ANKMY2: variants seen among roughly 807,000 people sequenced by gnomAD.
The protein encoded by ANKMY2 is ankyrin repeat and MYND domain-containing protein 2.
In ANKMY2, 36 loss-of-function variants were observed where a neutral mutation model predicts 50.4. That is an observed-to-expected ratio of 0.71 (90% confidence interval 0.55 to 0.94). ANKMY2 has a LOEUF of 0.94. ANKMY2 is among the 40% of genes least tolerant of loss of function. The pLI, the probability that ANKMY2 is intolerant of heterozygous loss-of-function variation, is 0.00. For synonymous variants in ANKMY2, 187 were observed against 178.8 expected (o/e 1.05, Z -0.36); for missense variants, 565 against 524.0 (o/e 1.08, Z -0.76).
intron 8 of ANKMY2, among the ~76,000 whole-genome samples, chr7:16,603,334 A>T (rs1781101392): frequency 2.0e-5 from 3 of 152,224 alleles, no homozygotes; most frequent in Admixed American, 2.0e-4. Context: ...ATGGAGGCAT[A>T]GAGGAAGCAG....
intron 7 of ANKMY2, among the ~76,000 whole-genome samples, chr7:16,605,965 G>A (rs1009413402): frequency 2.6e-5 from 4 of 152,040 alleles, no homozygotes; most frequent in African/African-American, 9.6e-5. Context: ...TTACAGGTGT[G>A]AGCCACCACA....
In ANKMY2 at chr7:16,600,740, C is replaced by T. The variant is rs1781039869; in HGVS notation, c.*21G>A. 3.1e-6 allele frequency: 5 copies of T among 1,588,572 alleles called. No individual in the cohort carries two copies. Among genetic ancestry groups the T allele is most frequent in the Non-Finnish European group, 4.3e-6 (5 of 1,166,962 alleles). ...CTTCTTGCAGGGTGAGGATCATCCA[C>T]ACTGGCACTTGCTCTGGCTTTTACT... is the stretch of plus-strand genomic sequence containing the variant. On this transcript the variant is annotated 3_prime_UTR_variant, in exon 10 of 10. Transcript: ENST00000306999.
intron 4 of ANKMY2, among the ~76,000 whole-genome samples, chr7:16,620,591 TACACACACACACACACACAC>T (rs58418780): frequency 1.4e-5 from 2 of 145,510 alleles, no homozygotes; most frequent in African/African-American, 5.2e-5. Flanking sequence ...AATACATGTG[TACACACACACACACACACAC>T]ACACACACAC....
intron 2 of ANKMY2, among the ~76,000 whole-genome samples, chr7:16,629,636 G>T (rs1460267301): frequency 6.6e-6 from 1 of 152,082 alleles, no homozygotes; most frequent in Non-Finnish European, 1.5e-5. Flanking sequence ...ATGATTTTCA[G>T]ATACCAAATT....
intron 7 of ANKMY2, among the ~76,000 whole-genome samples, chr7:16,608,871 C>T (rs184868388): frequency 1.2e-4 from 18 of 152,028 alleles, no homozygotes; most frequent in South Asian, 2.1e-4. Flanking sequence ...CGTGGTGGCG[C>T]GCACCTATAG....
chr7:16,626,986 T>C, intron 3 of ANKMY2, 54 bp downstream of exon 3: 1 of 1,411,746 alleles, frequency 7.1e-7, no homozygotes, highest in Non-Finnish European at 9.4e-7. Flanking sequence ...AGTATATATG[T>C]ACTTATAACA....
intron 4 of ANKMY2, among the ~76,000 whole-genome samples, chr7:16,623,341 T>C (rs958312330): frequency 6.6e-6 from 1 of 152,166 alleles, no homozygotes; most frequent in African/African-American, 2.4e-5. Flanking sequence ...TAGGATAGGA[T>C]TGCAAACAAT....
At position 16,645,699 on chromosome 7, in the gene ANKMY2, G is replaced by A; in HGVS notation, c.-126C>T. On this transcript the variant is annotated 5_prime_UTR_variant, in exon 1 of 10. Transcript: ENST00000306999. ...ACCAAGACACTGAGTAGCCAACCGC[G>A]GAAACGCTTCGCTTCTCTCCTCCCT... is the stretch of plus-strand genomic sequence containing the variant. 9.5e-7 allele frequency: 1 copy of A among 1,056,146 alleles called. No homozygotes were observed. The highest frequency in any genetic ancestry group is 2.9e-5 in the Admixed American group (1 of 34,104). The allele number at this position is 1,056,146 out of a possible 1,614,324, so 65.4% of individuals were successfully genotyped here. A position where few individuals can be genotyped will look rare whatever the true frequency, so the allele number is the denominator to read the frequency against.
intron 1 of ANKMY2, among the ~76,000 whole-genome samples, chr7:16,643,594 G>C (rs1781774851): frequency 6.7e-6 from 1 of 149,716 alleles, no homozygotes; most frequent in Non-Finnish European, 1.5e-5. Flanking sequence ...CAGAATAAAT[G>C]CACATTAATT....
intron 1 of ANKMY2, among the ~76,000 whole-genome samples, chr7:16,641,466 C>G (rs62440994): frequency 6.6e-6 from 1 of 152,052 alleles, no homozygotes; most frequent in East Asian, 1.9e-4. Context: ...GGTTGCATAA[C>G]CTGTCCAGCC....
Position 16,609,576 on chromosome 7 carries a change from T to C in ANKMY2, c.882+54A>G, listed in dbSNP as rs73310759. 1,011 of 1,523,462 alleles carry C rather than the reference T, an allele frequency of 6.6e-4. 4 individuals are homozygous for C. In the African/African-American group the frequency reaches 0.013, roughly 20 times the overall value. 94.4% of individuals were successfully genotyped at this position (1,523,462 alleles called of 1,614,324 possible). ...AGAGAACTTGCCTTTAACAATACAA[T>C]AGGTGGGAATTAGGTTTTACTGATA... is the stretch of plus-strand genomic sequence containing the variant. On this transcript the variant is annotated intron_variant, in intron 7 of 9. Coordinates refer to ENST00000306999, the MANE Select transcript of ANKMY2 (RefSeq NM_020319.3).
At chr7:16,633,616 T>C (rs1365556272) in intron 2 of ANKMY2, among the ~76,000 whole-genome samples, 2 of 152,214 alleles carry the variant, frequency 1.3e-5, no homozygotes, top group East Asian at 1.9e-4. Context: ...TTTTCGAATG[T>C]ATTATACTAC....
At position 16,645,565 on chromosome 7, in the gene ANKMY2, G is replaced by A. The variant is rs1781827185; in HGVS notation, c.9C>T (p.His3=). The A allele has an allele frequency of 1.2e-6, 2 of 1,611,788 alleles. No individual in the cohort carries two copies. Among genetic ancestry groups the A allele is most frequent in the East Asian group, 2.2e-5 (1 of 44,678 alleles). Residue 3 remains histidine, a synonymous_variant, in exon 1 of 10, where the codon CAC becomes CAT. Coordinates refer to ENST00000306999, the MANE Select transcript of ANKMY2 (RefSeq NM_020319.3). ...CCTGGGTCAGCTCGCCTTTCTTTAT[G>A]TGAACCATTGCTCCCGCCAGCTTGA... The part of the protein sequence containing the change: MV[H]IKKGELTQEE...
At chr7:16,637,721 T>A (rs1781686598) in intron 1 of ANKMY2, among the ~76,000 whole-genome samples, 1 of 152,210 alleles carries the variant, frequency 6.6e-6, no homozygotes, top group South Asian at 2.1e-4. Context: ...CAAAAATCTT[T>A]ATAGAAGAAT....
At chr7:16,609,192 G>C (rs1408947919) in intron 7 of ANKMY2, among the ~76,000 whole-genome samples, 1 of 152,086 alleles carries the variant, frequency 6.6e-6, no homozygotes, top group African/African-American at 2.4e-5. Flanking sequence ...TTGTTACCAG[G>C]AACCACAATG....
At chr7:16,633,262 G>A (rs141226905) in intron 2 of ANKMY2, among the ~76,000 whole-genome samples, 1 of 148,402 alleles carries the variant, frequency 6.7e-6, no homozygotes, top group African/African-American at 2.5e-5. Context: ...ATTATTTCCA[G>A]CTTATCTATT....
intron 5 of ANKMY2, among the ~76,000 whole-genome samples, chr7:16,612,973 T>G (rs1460652320): frequency 6.6e-6 from 1 of 152,226 alleles, no homozygotes; most frequent in Non-Finnish European, 1.5e-5. Flanking sequence ...CATTTTGAAT[T>G]CTTTTTATTT....
intron 7 of ANKMY2, among the ~76,000 whole-genome samples, chr7:16,607,738 A>G (rs1562767133): frequency 6.7e-6 from 1 of 148,166 alleles, no homozygotes; most frequent in Non-Finnish European, 1.5e-5. Flanking sequence ...TTTCCCAGGA[A>G]GGTAAAAGGT....
intron 4 of ANKMY2, among the ~76,000 whole-genome samples, chr7:16,619,230 C>T (rs563203992): frequency 1.0e-3 from 151 of 151,622 alleles, no homozygotes; most frequent in Non-Finnish European, 1.6e-3. Flanking sequence ...CTTGGCTCAC[C>T]GCAACCTCCG....
Sources: allele counts gnomAD v4.1 joint callset (sites outside exome capture counted in the v4.1 genomes callset), GRCh38; gene constraint gnomAD v4.1.1; transcripts MANE v1.5; gene names NCBI Gene and HGNC (gene_info 2026-07-23, HGNC 2026-07-21).